MYO3A: variants seen among roughly 807,000 people sequenced by gnomAD.
MYO3A encodes myosin IIIA.
A neutral mutation model predicts 192.7 loss-of-function variants in MYO3A; 180 were observed. The ratio of observed to expected loss-of-function variants is 0.93; its 90% CI spans 0.83 to 1.06. The LOEUF (loss-of-function observed/expected upper bound fraction) is 1.06. MYO3A is among the 50% of genes least tolerant of loss of function. The pLI is 0.00. For missense variants in MYO3A, 1,896 were observed against 1,905.0 expected, an observed-to-expected ratio of 1.00 and a Z score of 0.09; for synonymous variants, 628 against 645.3, an observed-to-expected ratio of 0.97 and a Z score of 0.41.
At chr10:26,201,116 T>C (rs1843655654) in intron 32 of MYO3A, 149 bp from the exon 33 acceptor site, 3 of 334,466 alleles carry the variant, frequency 9.0e-6, no homozygotes, top group Non-Finnish European at 1.6e-5. Flanking sequence ...ATTATATTTC[T>C]TTAAATTTTT....
intron 14 of MYO3A, among the ~76,000 whole-genome samples, chr10:26,080,672 T>C (rs1835868943): frequency 6.6e-6 from 1 of 151,980 alleles, no homozygotes; most frequent in South Asian, 2.1e-4. Context: ...TCCTTTTTAT[T>C]TGGGTAGGCT....
intron 10 of MYO3A, among the ~76,000 whole-genome samples, chr10:26,064,565 A>G (rs1038488475): frequency 1.3e-5 from 2 of 152,052 alleles, no homozygotes; most frequent in Non-Finnish European, 1.5e-5. Flanking sequence ...TTTTTTAAAG[A>G]TCACTCTGGC....
chr10:26,100,419 G>A (rs962164862), intron 17 of MYO3A, among the ~76,000 whole-genome samples: 6 of 151,966 alleles, frequency 3.9e-5, no homozygotes, highest in Non-Finnish European at 7.4e-5. Context: ...TTCTGCTCTT[G>A]TCTTAGTTAT....
chr10:25,987,651 A>G (rs905249222), intron 4 of MYO3A, among the ~76,000 whole-genome samples: 4 of 152,214 alleles, frequency 2.6e-5, no homozygotes, highest in African/African-American at 9.6e-5. Flanking sequence ...CAAAACCACA[A>G]TGTGAAACCA....
At chr10:26,015,405 T>C (rs529123590) in intron 6 of MYO3A, among the ~76,000 whole-genome samples, 23 of 152,276 alleles carry the variant, frequency 1.5e-4, no homozygotes, top group South Asian at 6.2e-4. Flanking sequence ...CCTGAACCCA[T>C]ATTTTGGATC....
chr10:26,055,249 A>G (rs2368120), intron 10 of MYO3A, among the ~76,000 whole-genome samples: 73,009 of 151,898 alleles, frequency 0.48, 18,270 homozygotes, highest in Middle Eastern at 0.59. Flanking sequence ...CCACACCTTC[A>G]TAAAGACAGG....
intron 7 of MYO3A, among the ~76,000 whole-genome samples, chr10:26,018,136 GT>G (rs1225411107): frequency 3.3e-5 from 5 of 151,734 alleles, no homozygotes. Context: ...TTACTAGACA[GT>G]AATTTTTCTG....
At chr10:26,202,845 A>G (rs1351025765) in intron 33 of MYO3A, 119 bp from the exon 34 acceptor site, 17 of 1,124,718 alleles carry the variant, frequency 1.5e-5, no homozygotes, top group Non-Finnish European at 5.1e-6. Context: ...ATTTCTATTG[A>G]CATGTGTATG....
At chr10:25,988,661 T>C (rs1009355651) in intron 4 of MYO3A, among the ~76,000 whole-genome samples, 15 of 152,096 alleles carry the variant, frequency 9.9e-5, no homozygotes, top group Non-Finnish European at 2.9e-5. Context: ...CTACTTATAA[T>C]TGCCAAAAAC....
intron 17 of MYO3A, among the ~76,000 whole-genome samples, chr10:26,098,256 G>T (rs1837185906): frequency 1.3e-5 from 2 of 152,152 alleles, no homozygotes; most frequent in Non-Finnish European, 2.9e-5. Context: ...TTTTGATGGG[G>T]TTGTTTGATT....
At chr10:26,028,759 C>T (rs906404155) in intron 10 of MYO3A, among the ~76,000 whole-genome samples, 5 of 152,096 alleles carry the variant, frequency 3.3e-5, no homozygotes, top group African/African-American at 1.2e-4. Context: ...TACTCATTGC[C>T]GAGCTGACAG....
chr10:26,145,434 A>G lies in MYO3A; in HGVS notation c.2417-12A>G, dbSNP rs761677743. 1.3e-6 allele frequency: 2 copies of G among 1,543,162 alleles called. No individual in the cohort carries two copies. Among genetic ancestry groups the G allele is most frequent in the South Asian group, 1.1e-5 (1 of 89,594 alleles). ...TACATGCTTGATATTTGAGTTCAGT[A>G]TTTTTCTACAGAAAAATTTGAAGGT... On this transcript the variant is annotated splice_polypyrimidine_tract_variant and intron_variant, in intron 21 of 34. Coordinates refer to ENST00000642920, the MANE Select transcript of MYO3A (RefSeq NM_017433.5).
chr10:26,016,770 C>T (rs1398238008), intron 6 of MYO3A, 50 bp from the exon 7 acceptor site: 1 of 1,544,600 alleles, frequency 6.5e-7, no homozygotes, highest in South Asian at 1.1e-5. Context: ...ATTGAAAGCT[C>T]TTTATATGAG....
intron 18 of MYO3A, 81 bp downstream of exon 18, chr10:26,120,883 C>T: frequency 6.5e-7 from 1 of 1,539,992 alleles, no homozygotes; most frequent in Non-Finnish European, 8.9e-7. Context: ...AGGACCATTT[C>T]AAGCAATTGT....
intron 14 of MYO3A, among the ~76,000 whole-genome samples, chr10:26,087,046 T>C (rs1836376444): frequency 6.6e-6 from 1 of 152,186 alleles, no homozygotes; most frequent in South Asian, 2.1e-4. Flanking sequence ...CTTATGTCCT[T>C]GATAAGGATT....
At chr10:26,210,812 G>C (rs1292098391) in intron 34 of MYO3A, among the ~76,000 whole-genome samples, 3 of 151,932 alleles carry the variant, frequency 2.0e-5, no homozygotes, top group Non-Finnish European at 4.4e-5. Context: ...AACACGATGT[G>C]TACACTCTAG....
At chr10:26,113,547 G>T (rs553792068) in intron 17 of MYO3A, among the ~76,000 whole-genome samples, 22 of 151,320 alleles carry the variant, frequency 1.5e-4, no homozygotes, top group African/African-American at 5.1e-4. Flanking sequence ...TTGGTTTGTT[G>T]TTTGTAATAA....
chr10:26,044,399 C>T (rs1843521960), intron 10 of MYO3A, among the ~76,000 whole-genome samples: 1 of 152,192 alleles, frequency 6.6e-6, no homozygotes, highest in Non-Finnish European at 1.5e-5. Context: ...GTTTATTTAG[C>T]ACCCTAGAGC....
In MYO3A at chr10:26,163,973, A is replaced by G. The variant is rs969855015; in HGVS notation, c.3000-2094A>G. On this transcript the variant is annotated intron_variant, in intron 26 of 34. Coordinates refer to ENST00000642920, the MANE Select transcript of MYO3A (RefSeq NM_017433.5). ...ATTAGGTGGAAGCCTTGGAGAGAGC[A>G]AGACAGAACAGCCAATAACAGCAAG... Among the ~76,000 whole-genome samples the G allele has an allele frequency of 3.9e-5, 6 of 152,214 alleles. No individual in the cohort carries two copies. The East Asian group carries it at 5.8e-4, about 15-fold the overall frequency.
Sources: allele counts gnomAD v4.1 joint callset (sites outside exome capture counted in the v4.1 genomes callset), GRCh38; gene constraint gnomAD v4.1.1; transcripts MANE v1.5; gene names NCBI Gene and HGNC (gene_info 2026-07-23, HGNC 2026-07-21).